The following PIP5K1A variants were observed in gnomAD, a reference collection of about 807,000 sequenced individuals.
PIP5K1A encodes phosphatidylinositol 4-phosphate 5-kinase type-1 alpha.
PIP5K1A carries 46 observed loss-of-function variants against 72.9 expected under a neutral mutation model. The ratio of observed to expected loss-of-function variants is 0.63; its 90% CI spans 0.50 to 0.81. PIP5K1A has a LOEUF of 0.81. Among genes scored for constraint, PIP5K1A ranks in the 30% least tolerant of loss-of-function variants. The pLI is 0.00. For synonymous variants in PIP5K1A, 228 were observed against 255.1 expected (o/e 0.89, Z 1.01); for missense variants, 458 against 706.1 (o/e 0.65, Z 3.98).
rs1691941645 is a variant in PIP5K1A, at chr1:151,242,751, A to G, written c.1640+184A>G. On this transcript the variant is annotated intron_variant, in intron 14 of 15. Coordinates refer to ENST00000368888, the MANE Select transcript of PIP5K1A (RefSeq NM_001135638.2). ...CAGCTTAGCTGGGTCCTCTGGCTCA[A>G]GATTTCTCATGAGGTGGCATTTAAG... 2.0e-5 allele frequency among the ~76,000 whole-genome samples: 3 copies of G among 152,140 alleles called. No individual in the cohort carries two copies. The South Asian group carries it at 6.2e-4, about 32-fold the overall frequency.
chr1:151,218,345 G>A (rs1570839716), intron 1 of PIP5K1A, among the ~76,000 whole-genome samples: 1 of 152,124 alleles, frequency 6.6e-6, no homozygotes, highest in Non-Finnish European at 1.5e-5. Flanking sequence ...ACCTGAAGGA[G>A]GACAACTGTA....
At chr1:151,238,553 C>CCTG in intron 10 of PIP5K1A, 2 of 374,216 alleles carry the variant, frequency 5.3e-6, no homozygotes, top group South Asian at 2.8e-5. Context: ...CTGTCTGGCT[C>CCTG]TTTGCAAAAA....
rs61751621 is a variant in PIP5K1A at position 151,236,613 on chromosome 1, T to C, written c.995T>C (p.Ile332Thr). The change falls in exon 9 of 16, where the codon ATA (isoleucine) becomes ACA (threonine). Residue 332 changes from isoleucine (I) to threonine (T), a missense_variant. Coordinates refer to ENST00000368888, the MANE Select transcript of PIP5K1A (RefSeq NM_001135638.2). ...AGCCTCTTGATGTCAATCCATAATATAGATCATGCACAACGAGAGCCCTTA... is the reference window on the plus strand; with the variant it reads ...AGCCTCTTGATGTCAATCCATAATACAGATCATGCACAACGAGAGCCCTTA... Reference protein sequence around the residue: ...DYSLLMSIHNIDHAQREPLSS... With the variant: ...DYSLLMSIHNTDHAQREPLSS... 2,352 of 1,613,024 alleles carry C rather than the reference T, an allele frequency of 1.5e-3. 32 individuals are homozygous for C. In the African/African-American group the frequency reaches 0.027, roughly 18 times the overall value.
intron 1 of PIP5K1A, among the ~76,000 whole-genome samples, chr1:151,204,473 G>A (rs1229570114): frequency 6.6e-6 from 1 of 152,160 alleles, no homozygotes; most frequent in Non-Finnish European, 1.5e-5. Flanking sequence ...CGCCACGCCC[G>A]GCCTGTGGAT....
intron 1 of PIP5K1A, among the ~76,000 whole-genome samples, chr1:151,212,433 A>G (rs2102128905): frequency 6.6e-6 from 1 of 152,340 alleles, no homozygotes; most frequent in Middle Eastern, 3.4e-3. Flanking sequence ...TGTGTTTGCC[A>G]AGTGACTGGA....
upstream of PIP5K1A, among the ~76,000 whole-genome samples, chr1:151,197,481 G>A (rs1269455316): frequency 3.3e-5 from 5 of 151,106 alleles, no homozygotes; most frequent in African/African-American, 1.2e-4. Flanking sequence ...GGGTTTCACC[G>A]TGTTAGCCAG....
At chr1:151,241,887 T>G (rs114510616) in intron 12 of PIP5K1A, among the ~76,000 whole-genome samples, 2,929 of 151,536 alleles carry the variant, frequency 0.019, 75 homozygotes, top group African/African-American at 0.053. Context: ...TGTTGGGGGG[T>G]TAGGTGTGGA....
Position 151,242,628 on chromosome 1 carries a change from C to G in PIP5K1A, c.1640+61C>G, listed in dbSNP as rs1435911701. On this transcript the variant is annotated intron_variant, in intron 14 of 15. Coordinates refer to ENST00000368888, the MANE Select transcript of PIP5K1A (RefSeq NM_001135638.2). The stretch of plus-strand genomic sequence containing the variant: ...TCTCTCTTTTCAAGTCCTTGGAAAC[C>G]TCTATAATTTGATTGCATCATAATA... The G allele has an allele frequency of 2.8e-6, 4 of 1,404,484 alleles. No homozygotes were observed. In the East Asian group the frequency reaches 9.2e-5, roughly 32 times the overall value. 87.0% of individuals were successfully genotyped at this position (1,404,484 alleles called of 1,614,324 possible). A position where few individuals can be genotyped will look rare whatever the true frequency, so the allele number is the denominator to read the frequency against.
At chr1:151,246,864 T>C in intron 14 of PIP5K1A, 56 bp from the exon 15 acceptor site, 1 of 1,308,582 alleles carries the variant, frequency 7.6e-7, no homozygotes, top group South Asian at 1.2e-5. Context: ...GGAGAGTCCT[T>C]TGTTGTTGTC....
chr1:151,206,658 C>T (rs945207791), intron 1 of PIP5K1A, among the ~76,000 whole-genome samples: 7 of 152,080 alleles, frequency 4.6e-5, no homozygotes, highest in Non-Finnish European at 5.9e-5. Context: ...CTCCACCTCC[C>T]GGGTTGAAGC....
At chr1:151,220,432 G>C (rs1688253131) in intron 1 of PIP5K1A, among the ~76,000 whole-genome samples, 1 of 151,626 alleles carries the variant, frequency 6.6e-6, no homozygotes, top group African/African-American at 2.4e-5. Context: ...ATGTGAAGTA[G>C]AGAGAATAGT....
At chr1:151,224,871 G>C (rs1375897303) in intron 3 of PIP5K1A, among the ~76,000 whole-genome samples, 1 of 151,988 alleles carries the variant, frequency 6.6e-6, no homozygotes, top group African/African-American at 2.4e-5. Context: ...CTCACTTCTT[G>C]CCTCTCCCCT....
intron 1 of PIP5K1A, among the ~76,000 whole-genome samples, chr1:151,216,192 C>CA (rs1406878733): frequency 6.6e-6 from 1 of 151,752 alleles, no homozygotes; most frequent in East Asian, 1.9e-4. Flanking sequence ...ACTAAAAATA[C>CA]AAAAAAATTA....
intron 1 of PIP5K1A, among the ~76,000 whole-genome samples, chr1:151,202,871 C>A (rs587667711): frequency 6.6e-5 from 10 of 151,870 alleles, no homozygotes; most frequent in African/African-American, 2.4e-4. Flanking sequence ...CTCTAGAGTT[C>A]AAGCGATTCT....
chr1:151,205,740 G>A (rs753545274), intron 1 of PIP5K1A, among the ~76,000 whole-genome samples: 2 of 152,124 alleles, frequency 1.3e-5, no homozygotes, highest in Non-Finnish European at 2.9e-5. Flanking sequence ...GGAGGTTGCA[G>A]TGAGCTTAGA....
rs1180450462 is a variant in PIP5K1A at position 151,232,430 on chromosome 1, C to T, written c.486+65C>T. The stretch of plus-strand genomic sequence containing the variant: ...AGAGGGATATTCCCAAAGGAAGGCC[C>T]CTTTTCTCCACAGTCTCGCTCTGGT... On this transcript the variant is annotated intron_variant, in intron 6 of 15. Coordinates refer to ENST00000368888, the MANE Select transcript of PIP5K1A (RefSeq NM_001135638.2). 9 of 1,487,924 alleles carry T rather than the reference C, an allele frequency of 6.0e-6. No homozygotes were observed. In the Admixed American group the frequency reaches 6.7e-5, roughly 11 times the overall value. 92.2% of individuals were successfully genotyped at this position (1,487,924 alleles called of 1,614,324 possible).
chr1:151,211,870 G>A (rs998456615), intron 1 of PIP5K1A, among the ~76,000 whole-genome samples: 10 of 151,322 alleles, frequency 6.6e-5, no homozygotes, highest in South Asian at 2.1e-4. Context: ...TTGGGAGAAC[G>A]AGGCGGGCGG....
At chr1:151,243,345 C>T (rs1692044079) in intron 14 of PIP5K1A, among the ~76,000 whole-genome samples, 1 of 152,216 alleles carries the variant, frequency 6.6e-6, no homozygotes, top group Non-Finnish European at 1.5e-5. Flanking sequence ...GTTCCTTAAG[C>T]ACAGCTCCTC....
chr1:151,237,118 C>T (rs1202793375), intron 9 of PIP5K1A, among the ~76,000 whole-genome samples: 1 of 152,094 alleles, frequency 6.6e-6, no homozygotes, highest in Admixed American at 6.5e-5. Context: ...GCGTGAGCCA[C>T]CGTGCCCGGC....
Sources: allele counts gnomAD v4.1 joint callset (sites outside exome capture counted in the v4.1 genomes callset), GRCh38; gene constraint gnomAD v4.1.1; transcripts MANE v1.5; gene names NCBI Gene and HGNC (gene_info 2026-07-23, HGNC 2026-07-21).